Variants in CDC42BPB observed in about 807,000 individuals in gnomAD.
The protein encoded by CDC42BPB is CDC42 binding protein kinase beta.
A neutral mutation model predicts 214.9 loss-of-function variants in CDC42BPB; 37 were observed. That is an observed-to-expected ratio of 0.17 (90% CI 0.13 to 0.23). The LOEUF is 0.23. Among genes scored for constraint, CDC42BPB ranks in the 10% least tolerant of loss-of-function variants. The probability of loss-of-function intolerance (pLI) is 1.00; values close to 1 mark genes in which losing one functional copy is unlikely to be tolerated. For synonymous variants in CDC42BPB, 931 were observed against 884.0 expected (o/e 1.05, Z -0.94); for missense variants, 1,694 against 2,227.0 (o/e 0.76, Z 4.82).
At chr14:102,979,037 T>A (rs1260519286) in intron 8 of CDC42BPB, among the ~76,000 whole-genome samples, 4 of 152,122 alleles carry the variant, frequency 2.6e-5, no homozygotes, top group African/African-American at 9.7e-5. Flanking sequence ...AAGTTCTTTA[T>A]CTGGGAAATT....
intron 30 of CDC42BPB, chr14:102,940,548 G>A (rs1005933442): frequency 4.7e-6 from 6 of 1,264,988 alleles, no homozygotes; most frequent in Admixed American, 5.8e-5. Context: ...AATCACTTCC[G>A]TAACTAATAT....
chr14:103,057,204 G>C lies in CDC42BPB; in HGVS notation c.-31C>G, dbSNP rs1393796036. 7.5e-7 allele frequency: 1 copy of C among 1,331,976 alleles called. No individual in the cohort carries two copies. The highest frequency in any genetic ancestry group is 3.4e-5 in the Admixed American group (1 of 29,818). 82.5% of individuals were successfully genotyped at this position (1,331,976 alleles called of 1,614,324 possible). A position where few individuals can be genotyped will look rare whatever the true frequency, so the allele number is the denominator to read the frequency against. ...CGCGCGGCCCGCTCCCGACGCGCCGGCCTCTCACCGCCGGCTCGGCCAGTC... is the reference window on the plus strand; with the variant it reads ...CGCGCGGCCCGCTCCCGACGCGCCGCCCTCTCACCGCCGGCTCGGCCAGTC... On this transcript the variant is annotated 5_prime_UTR_variant, in exon 1 of 37. Coordinates refer to ENST00000361246, the MANE Select transcript of CDC42BPB (RefSeq NM_006035.4).
chr14:102,938,590 G>T, intron 34 of CDC42BPB, 179 bp from the exon 35 acceptor site: 1 of 978,638 alleles, frequency 1.0e-6, no homozygotes, highest in Non-Finnish European at 1.2e-6. Context: ...ACTGGCAATA[G>T]CAACTTCAGG....
At chr14:103,006,948 T>C (rs933116520) in intron 3 of CDC42BPB, among the ~76,000 whole-genome samples, 2 of 152,184 alleles carry the variant, frequency 1.3e-5, no homozygotes, top group African/African-American at 2.4e-5. Flanking sequence ...AGCTACTTTT[T>C]CCCCTAAAAA....
chr14:103,057,003 C>A lies in CDC42BPB; in HGVS notation c.171G>T (p.Glu57Asp). The change falls in exon 1 of 37, where the codon GAG becomes GAT. Residue 57 changes from glutamate to aspartate, a missense_variant. Physicochemically the swap from Glu to Asp is conservative, Grantham distance 45. This residue lies in a region of CDC42BPB where 83 missense variants were observed against 79.9 expected (regional missense o/e 1.04). Transcript: ENST00000361246. ...RRDKYVAEFL[E>D]WAKPFTQLVK... The stretch of plus-strand genomic sequence containing the variant: ...GCCCTGCCGGCGCGCACTTACCCCA[C>A]TCGAGGAACTCGGCCACGTACTTGT... The A allele has an allele frequency of 1.4e-6, 2 of 1,461,586 alleles. No individual in the cohort carries two copies. Among genetic ancestry groups the A allele is most frequent in the Non-Finnish European group, 1.8e-6 (2 of 1,107,428 alleles). The allele number at this position is 1,461,586 out of a possible 1,614,324, so 90.5% of individuals were successfully genotyped here. A position where few individuals can be genotyped will look rare whatever the true frequency, so the allele number is the denominator to read the frequency against.
chr14:103,031,172 C>G (rs1258530019), intron 1 of CDC42BPB, among the ~76,000 whole-genome samples: 2 of 151,538 alleles, frequency 1.3e-5, no homozygotes, highest in Non-Finnish European at 2.9e-5. Flanking sequence ...AGTACATGAC[C>G]CAGACACCAA....
Position 102,970,237 on chromosome 14 carries a change from C to T in CDC42BPB, c.1909G>A (p.Val637Ile), listed in dbSNP as rs368705809. The change falls in exon 14 of 37, where the codon GTT becomes ATT. Residue 637 changes from valine to isoleucine, a missense_variant. Physicochemically the swap from Val to Ile is conservative, Grantham distance 29. This residue lies in a region of CDC42BPB where 462 missense variants were observed against 513.5 expected (regional missense o/e 0.90). Transcript: ENST00000361246. ...TTGCGCTCCTTGGAGGCCTCAGCAA[C>T]AGCATCATCAAGCTGAGCTTCCAGC... ...KELEAQLDDA[V>I]AEASKERKLR... 6.2e-7 allele frequency: 1 copy of T among 1,613,466 alleles called. No homozygotes were observed. The highest frequency in any genetic ancestry group is 8.5e-7 in the Non-Finnish European group (1 of 1,179,800).
Position 102,940,275 on chromosome 14 carries a change from G to T in CDC42BPB, c.4458C>A (p.Val1486=). Residue 1486 remains valine (V), a synonymous_variant, in exon 31 of 37, where the codon GTC becomes GTA. Transcript: ENST00000361246. ...CCCACTCCATGGTGCGCACATCAAAGACGTCCACGCCATACTCGCTGTACA... is the reference window on the plus strand; with the variant it reads ...CCCACTCCATGGTGCGCACATCAAATACGTCCACGCCATACTCGCTGTACA... ...VTVYSEYGVD[V]FDVRTMEWVQ... 1 of 1,594,896 alleles carries T rather than the reference G, an allele frequency of 6.3e-7. No individual in the cohort carries two copies. Among genetic ancestry groups the T allele is most frequent in the East Asian group, 2.3e-5 (1 of 44,040 alleles).
At chr14:102,962,336 G>A (rs946580870) in intron 20 of CDC42BPB, among the ~76,000 whole-genome samples, 38 of 152,208 alleles carry the variant, frequency 2.5e-4, no homozygotes, top group Non-Finnish European at 5.1e-4. Context: ...ACAAAAACAG[G>A]AAATGTTCTA....
chr14:103,023,917 G>A (rs954339036), intron 1 of CDC42BPB, among the ~76,000 whole-genome samples: 2 of 152,198 alleles, frequency 1.3e-5, no homozygotes, highest in Admixed American at 6.5e-5. Context: ...CCCAGAGGGA[G>A]CCCCCATGTC....
In CDC42BPB at chr14:102,944,667, A is replaced by G. The variant is rs10135200; in HGVS notation, c.3812-180T>C. Reference sequence around the variant, plus strand: ...TCTGCCCACAGAGCCAGTGGCTTGAACGCCCCCCGGAGAAGCTGCCCCACA... The same window carrying G: ...TCTGCCCACAGAGCCAGTGGCTTGAGCGCCCCCCGGAGAAGCTGCCCCACA... On this transcript the variant is annotated intron_variant, in intron 29 of 36. Transcript: ENST00000361246. The surrounding 1 kb of genome is among the most constrained non-coding windows in gnomAD (Gnocchi z 6.6). 67,051 of 985,064 alleles carry G rather than the reference A, an allele frequency of 0.068. 6,901 individuals are homozygous for G. The highest frequency in any genetic ancestry group is 0.45 in the African/African-American group (25,557 of 57,200). 61.0% of individuals were successfully genotyped at this position (985,064 alleles called of 1,614,324 possible). A position where few individuals can be genotyped will look rare whatever the true frequency, so the allele number is the denominator to read the frequency against.
At chr14:102,969,942 G>A (rs981259487) in intron 14 of CDC42BPB, among the ~76,000 whole-genome samples, 1 of 152,198 alleles carries the variant, frequency 6.6e-6, no homozygotes, top group African/African-American at 2.4e-5. Context: ...ATATAACAAA[G>A]GAAAAACATG....
intron 1 of CDC42BPB, among the ~76,000 whole-genome samples, chr14:103,043,219 G>C (rs1595186039): frequency 6.6e-6 from 1 of 152,182 alleles, no homozygotes; most frequent in Middle Eastern, 3.4e-3. Context: ...ACTCCAGCTT[G>C]AGAGAGAGAG....
rs146999405 is a variant in CDC42BPB at position 102,973,433 on chromosome 14, A to G, written c.1641+583T>C. Among the ~76,000 whole-genome samples the G allele has an allele frequency of 3.9e-5, 6 of 152,346 alleles. No individual in the cohort carries two copies. In the East Asian group the frequency reaches 9.6e-4, roughly 24 times the overall value. ...ACCTGAGCATAAAAGTTTCCCATAT[A>G]TTACTAAAAATGAAATTTATAAACG... On this transcript the variant is annotated intron_variant, in intron 12 of 36. Coordinates refer to ENST00000361246, the MANE Select transcript of CDC42BPB (RefSeq NM_006035.4).
rs149077999 is a variant in CDC42BPB, at chr14:102,954,641, C to T, written c.2949G>A (p.Ala983=). Residue 983 remains alanine (A), a synonymous_variant, in exon 22 of 37, where the codon GCG becomes GCA. Coordinates refer to ENST00000361246, the MANE Select transcript of CDC42BPB (RefSeq NM_006035.4). ...ATGCAGCCACAGACATCGACGGGGACGCTTCTGGCTTCGGAGCTTGTGTTT... is the reference window on the plus strand; with the variant it reads ...ATGCAGCCACAGACATCGACGGGGATGCTTCTGGCTTCGGAGCTTGTGTTT... ...EQETQAPKPE[A]SPSMSVAASE... 496 of 1,613,992 alleles carry T rather than the reference C, an allele frequency of 3.1e-4. No homozygotes were observed. Among genetic ancestry groups the T allele is most frequent in the Non-Finnish European group, 3.9e-4 (462 of 1,179,926 alleles).
intron 1 of CDC42BPB, among the ~76,000 whole-genome samples, chr14:103,048,354 G>A (rs1224119922): frequency 6.6e-6 from 1 of 151,682 alleles, no homozygotes; most frequent in Non-Finnish European, 1.5e-5. Context: ...GATCAGCCTG[G>A]CCAACATGGT....
intron 1 of CDC42BPB, among the ~76,000 whole-genome samples, chr14:103,016,875 T>C (rs1204063133): frequency 6.6e-6 from 1 of 152,076 alleles, no homozygotes; most frequent in Non-Finnish European, 1.5e-5. Flanking sequence ...GTGTGGACCA[T>C]GGTCTCTAAA....
chr14:103,005,686 G>C (rs1895205020), intron 3 of CDC42BPB, among the ~76,000 whole-genome samples: 2 of 151,654 alleles, frequency 1.3e-5, no homozygotes, highest in African/African-American at 4.9e-5. Flanking sequence ...AACAGAGTGA[G>C]ACCCTGTCTC....
chr14:102,959,429 A>G (rs1191078431), intron 21 of CDC42BPB, among the ~76,000 whole-genome samples: 1 of 151,776 alleles, frequency 6.6e-6, no homozygotes, highest in Non-Finnish European at 1.5e-5. Flanking sequence ...CACCTCAAAT[A>G]CCCTAAATGT....
Sources: gnomAD v4.1 joint callset for allele counts (sites outside exome capture counted in the v4.1 genomes callset) on GRCh38, gnomAD v4.1.1 for gene constraint, gnomAD v4.1.1 regional missense constraint, Gnocchi (gnomAD v3.1) non-coding constraint, MANE v1.5 for transcripts, NCBI Gene and HGNC (gene_info 2026-07-23, HGNC 2026-07-21) for gene names.